Variants in MED27 observed in about 807,000 individuals in gnomAD.
The protein encoded by MED27 is mediator complex subunit 27.
A neutral mutation model predicts 38.2 loss-of-function variants in MED27; 30 were observed. That is an observed-to-expected ratio of 0.79 (90% CI 0.59 to 1.07). The LOEUF (loss-of-function observed/expected upper bound fraction) is 1.07. MED27 is among the 50% of genes least tolerant of loss of function. The probability of loss-of-function intolerance (pLI) is 0.00; values close to 1 mark genes in which losing one functional copy is unlikely to be tolerated. For synonymous variants in MED27, 122 were observed against 153.5 expected (o/e 0.79, Z 1.52); for missense variants, 289 against 397.5 (o/e 0.73, Z 2.32).
intron 2 of MED27, among the ~76,000 whole-genome samples, chr9:132,066,761 C>CGCA (rs915127260): frequency 3.3e-5 from 5 of 152,194 alleles, no homozygotes; most frequent in African/African-American, 1.2e-4. Flanking sequence ...GCTCCCCTCC[C>CGCA]GCACACAGGC....
At chr9:131,981,775 G>C (rs968903105) in intron 3 of MED27, among the ~76,000 whole-genome samples, 1 of 152,222 alleles carries the variant, frequency 6.6e-6, no homozygotes, top group African/African-American at 2.4e-5. Flanking sequence ...GGAGCTCAGG[G>C]AGAGGGGGCA....
chr9:132,017,100 A>G (rs1458303886), intron 2 of MED27, among the ~76,000 whole-genome samples: 2 of 152,192 alleles, frequency 1.3e-5, no homozygotes, highest in African/African-American at 4.8e-5. Context: ...TCTGACTGTC[A>G]AGATCTATAA....
intron 3 of MED27, among the ~76,000 whole-genome samples, chr9:131,998,716 G>T (rs890388622): frequency 6.6e-6 from 1 of 152,092 alleles, no homozygotes; most frequent in African/African-American, 2.4e-5. Flanking sequence ...AAGAATGGTG[G>T]GGTGAGGTCT....
chr9:131,875,260 C>T (rs1449140846), intron 6 of MED27, among the ~76,000 whole-genome samples: 1 of 152,040 alleles, frequency 6.6e-6, no homozygotes, highest in Non-Finnish European at 1.5e-5. Flanking sequence ...ACTGTGGTGT[C>T]TTACAGGATC....
At chr9:131,985,192 C>A (rs1306407784) in intron 3 of MED27, among the ~76,000 whole-genome samples, 6 of 152,088 alleles carry the variant, frequency 3.9e-5, no homozygotes, top group African/African-American at 1.2e-4. Flanking sequence ...TTTTGCTTTG[C>A]GGACTCTAAG....
chr9:131,867,062 A>G (rs1037733523), intron 6 of MED27, among the ~76,000 whole-genome samples: 2 of 151,942 alleles, frequency 1.3e-5, no homozygotes, highest in African/African-American at 4.8e-5. Context: ...CAATCCTCAT[A>G]TCTGAACTTG....
At chr9:131,973,935 G>C (rs1831545835) in intron 3 of MED27, among the ~76,000 whole-genome samples, 1 of 149,380 alleles carries the variant, frequency 6.7e-6, no homozygotes, top group South Asian at 2.1e-4. Flanking sequence ...GGATGGTCTT[G>C]ATCTCCTGAC....
intron 2 of MED27, among the ~76,000 whole-genome samples, chr9:132,056,988 G>A (rs983968242): frequency 2.0e-5 from 3 of 152,220 alleles, no homozygotes; most frequent in Admixed American, 6.5e-5. Flanking sequence ...GACTCATGAG[G>A]AAGCAGAGAC....
chr9:132,062,206 G>A (rs1299175066), intron 2 of MED27, among the ~76,000 whole-genome samples: 1 of 152,230 alleles, frequency 6.6e-6, no homozygotes, highest in African/African-American at 2.4e-5. Context: ...GGACTTGCTA[G>A]ATGTTGGAAA....
intron 6 of MED27, among the ~76,000 whole-genome samples, chr9:131,875,431 C>G (rs573193754): frequency 6.6e-6 from 1 of 152,132 alleles, no homozygotes; most frequent in African/African-American, 2.4e-5. Context: ...CTGACTCCAG[C>G]CTATACCCTG....
At chr9:132,052,081 A>G (rs1301944916) in intron 2 of MED27, among the ~76,000 whole-genome samples, 2 of 152,206 alleles carry the variant, frequency 1.3e-5, no homozygotes, top group Admixed American at 6.5e-5. Context: ...GGGCAGCGGC[A>G]TAGCTCTGAC....
At chr9:131,879,952 T>C (rs1487419200) in intron 6 of MED27, among the ~76,000 whole-genome samples, 1 of 152,230 alleles carries the variant, frequency 6.6e-6, no homozygotes, top group Non-Finnish European at 1.5e-5. Context: ...GTGATTTAGG[T>C]TTGAAATACT....
Position 131,917,061 on chromosome 9 carries a change from A to T in MED27, c.573+22320T>A, listed in dbSNP as rs1830304634. Among the ~76,000 whole-genome samples, 4 of 152,358 alleles carry T rather than the reference A, an allele frequency of 2.6e-5. No individual in the cohort carries two copies. Among genetic ancestry groups the T allele is most frequent in the Admixed American group, 2.6e-4 (4 of 15,306 alleles). ...ATAGGCAGAAATGCAGGTACAAAGC[A>T]TAAAAGCACCAGGCATGGGAATCTT... On this transcript the variant is annotated intron_variant, in intron 4 of 7. Coordinates refer to ENST00000292035, the MANE Select transcript of MED27 (RefSeq NM_004269.4). The surrounding 1 kb of genome is among the most constrained non-coding windows in gnomAD (Gnocchi z 4.6).
chr9:131,925,550 T>A (rs114280332), intron 4 of MED27, among the ~76,000 whole-genome samples: 1,919 of 152,260 alleles, frequency 0.013, 39 homozygotes, highest in African/African-American at 0.045. Context: ...TGAAAATGAA[T>A]AAGCTATAGC....
At chr9:132,018,202 T>C (rs1448765398) in intron 2 of MED27, among the ~76,000 whole-genome samples, 5 of 152,218 alleles carry the variant, frequency 3.3e-5, no homozygotes, top group Admixed American at 3.3e-4. Flanking sequence ...TGAAGGAATG[T>C]CCCTACAACA....
intron 2 of MED27, among the ~76,000 whole-genome samples, chr9:132,018,181 G>A (rs1384605768): frequency 6.6e-6 from 1 of 152,122 alleles, no homozygotes; most frequent in African/African-American, 2.4e-5. Flanking sequence ...AAGGTAGAAA[G>A]GTATTTGATG....
rs1481344789 is a variant in MED27 at position 131,917,646 on chromosome 9, C to T, written c.573+21735G>A. Among the ~76,000 whole-genome samples, 1 of 152,134 alleles carries T rather than the reference C, an allele frequency of 6.6e-6. No individual in the cohort carries two copies. The highest frequency in any genetic ancestry group is 2.4e-5 in the African/African-American group (1 of 41,412). Reference sequence around the variant, plus strand: ...ATTGTGGGTGACAATGGGGATGCCACCCGCAATGTAATCAGTGCTAGAGAT... The same window carrying T: ...ATTGTGGGTGACAATGGGGATGCCATCCGCAATGTAATCAGTGCTAGAGAT... On this transcript the variant is annotated intron_variant, in intron 4 of 7. Coordinates refer to ENST00000292035, the MANE Select transcript of MED27 (RefSeq NM_004269.4). This position sits in a 1 kb window ranked among gnomAD's most constrained non-coding sequence, Gnocchi z 4.6.
intron 2 of MED27, among the ~76,000 whole-genome samples, chr9:132,058,816 T>A (rs140860598): frequency 6.6e-6 from 1 of 152,306 alleles, no homozygotes; most frequent in African/African-American, 2.4e-5. Flanking sequence ...TAACAACATA[T>A]CACATGTCAC....
At chr9:131,967,849 C>T (rs1422115181) in intron 3 of MED27, among the ~76,000 whole-genome samples, 3 of 138,432 alleles carry the variant, frequency 2.2e-5, no homozygotes, top group African/African-American at 5.4e-5. Flanking sequence ...GACGGAGTCT[C>T]GCTCTGCCGC....
Sources: gnomAD v4.1 joint callset for allele counts (sites outside exome capture counted in the v4.1 genomes callset) on GRCh38, gnomAD v4.1.1 for gene constraint, Gnocchi (gnomAD v3.1) non-coding constraint, MANE v1.5 for transcripts, NCBI Gene and HGNC (gene_info 2026-07-23, HGNC 2026-07-21) for gene names.